The following SLIT3 variants were observed in gnomAD, a reference collection of about 807,000 sequenced individuals.
SLIT3 encodes the protein slit guidance ligand 3.
In SLIT3, 68 loss-of-function variants were observed where a neutral mutation model predicts 184.0. The ratio of observed to expected loss-of-function variants is 0.37; its 90% confidence interval spans 0.30 to 0.45. SLIT3 has a LOEUF of 0.45. SLIT3 is among the 20% of genes least tolerant of loss of function. SLIT3 has a pLI of 1.00. For synonymous variants in SLIT3, 831 were observed against 828.6 expected (o/e 1.00, Z -0.05); for missense variants, 1,707 against 2,026.0 (o/e 0.84, Z 3.02).
intron 4 of SLIT3, among the ~76,000 whole-genome samples, chr5:169,021,698 G>GACACTCAT (rs1401821209): frequency 6.6e-6 from 1 of 152,084 alleles, no homozygotes; most frequent in Non-Finnish European, 1.5e-5. Context: ...CCCCTTCCAA[G>GACACTCAT]ACACTCATAC....
intron 6 of SLIT3, among the ~76,000 whole-genome samples, chr5:168,838,358 A>T (rs1758123320): frequency 6.6e-6 from 1 of 152,094 alleles, no homozygotes; most frequent in South Asian, 2.1e-4. Context: ...TTTAATTGAG[A>T]TGCCTCATTC....
At chr5:168,781,181 GCTAGGAATGGGCTGTAAGCCA>G (rs1413842411) in intron 12 of SLIT3, among the ~76,000 whole-genome samples, 1 of 152,202 alleles carries the variant, frequency 6.6e-6, no homozygotes, top group African/African-American at 2.4e-5. Flanking sequence ...ATAGGAGGGT[GCTAGGAATGGGCTGTAAGCCA>G]CTGGGTTTTC....
intron 20 of SLIT3, among the ~76,000 whole-genome samples, chr5:168,747,542 T>C (rs1754525194): frequency 6.6e-6 from 1 of 152,180 alleles, no homozygotes; most frequent in Admixed American, 6.5e-5. Flanking sequence ...TGGTCCTAGC[T>C]GCAGTGCTCT....
At chr5:168,777,486 T>C (rs1755804639) in intron 12 of SLIT3, among the ~76,000 whole-genome samples, 1 of 152,224 alleles carries the variant, frequency 6.6e-6, no homozygotes, top group African/African-American at 2.4e-5. Context: ...TCATCAGGTC[T>C]ATTGAGGCTC....
chr5:168,675,745 G>C (rs1761387253), intron 32 of SLIT3, among the ~76,000 whole-genome samples: 1 of 152,130 alleles, frequency 6.6e-6, no homozygotes, highest in Non-Finnish European at 1.5e-5. Flanking sequence ...CAATTACTGG[G>C]AAAATGTGAG....
intron 4 of SLIT3, among the ~76,000 whole-genome samples, chr5:168,894,469 G>T (rs1350970678): frequency 6.6e-6 from 1 of 152,164 alleles, no homozygotes; most frequent in East Asian, 1.9e-4. Context: ...AGTCCAGTTT[G>T]TCCCTTTGGA....
intron 12 of SLIT3, among the ~76,000 whole-genome samples, chr5:168,782,489 T>C (rs1253031811): frequency 6.6e-6 from 1 of 152,180 alleles, no homozygotes; most frequent in South Asian, 2.1e-4. Context: ...GCACGAGGGC[T>C]GGCTGCCCAT....
chr5:169,143,042 G>A (rs910991618), intron 4 of SLIT3, among the ~76,000 whole-genome samples: 6 of 152,166 alleles, frequency 3.9e-5, no homozygotes, highest in Non-Finnish European at 5.9e-5. Context: ...AGGAAAGGAG[G>A]GTGGATCCTA....
chr5:168,693,344 G>A (rs1319127780), intron 28 of SLIT3, among the ~76,000 whole-genome samples: 1 of 152,198 alleles, frequency 6.6e-6, no homozygotes, highest in African/African-American at 2.4e-5. Flanking sequence ...GATTTTTCAG[G>A]GAAGGAAGTA....
chr5:168,844,599 C>T lies in SLIT3; in HGVS notation c.542G>A (p.Arg181His), dbSNP rs1758389009. 6.2e-7 allele frequency: 1 copy of T among 1,614,202 alleles called. No homozygotes were observed. The highest frequency in any genetic ancestry group is 2.2e-5 in the East Asian group (1 of 44,882). The change falls in exon 6 of 36, where the codon CGC (arginine) becomes CAC (histidine). Residue 181 changes from arginine (R) to histidine (H), a missense_variant. By Grantham distance (29) the Arg-to-His change is conservative (BLOSUM62 0). Coordinates refer to ENST00000519560, the MANE Select transcript of SLIT3 (RefSeq NM_003062.4). ...ATCAACTCACAGGATCTCCAAATCGCGCAGCGCTCGGAAGGCTCCATCTTC... is the reference window on the plus strand; with the variant it reads ...ATCAACTCACAGGATCTCCAAATCGTGCAGCGCTCGGAAGGCTCCATCTTC... Reference protein sequence around the residue: ...CIEDGAFRALRDLEILTLNNN... With the variant: ...CIEDGAFRALHDLEILTLNNN...
chr5:168,843,948 C>T (rs969936597), intron 6 of SLIT3, among the ~76,000 whole-genome samples: 12 of 152,104 alleles, frequency 7.9e-5, no homozygotes, highest in Non-Finnish European at 1.5e-4. Flanking sequence ...GGGGAAGGGG[C>T]TGTCTCCTCT....
intron 32 of SLIT3, 58 bp downstream of exon 32, chr5:168,683,908 C>T: frequency 7.2e-7 from 1 of 1,382,372 alleles, no homozygotes; most frequent in Non-Finnish European, 9.5e-7. Flanking sequence ...GTTGCAGGCC[C>T]AGAGGCAGAA....
intron 18 of SLIT3, 118 bp downstream of exon 18, chr5:168,752,837 G>A (rs1482098080): frequency 1.4e-5 from 15 of 1,065,192 alleles, no homozygotes; most frequent in Middle Eastern, 2.9e-4. Context: ...AGCCTGACGA[G>A]TTTTTAAGTG....
intron 4 of SLIT3, among the ~76,000 whole-genome samples, chr5:169,178,220 T>G (rs544463062): frequency 6.6e-6 from 1 of 152,350 alleles, no homozygotes; most frequent in East Asian, 1.9e-4. Flanking sequence ...AGATTCTGTC[T>G]TCTGTGATTC....
intron 3 of SLIT3, among the ~76,000 whole-genome samples, chr5:169,234,704 A>C (rs1264409359): frequency 6.6e-6 from 1 of 152,140 alleles, no homozygotes; most frequent in African/African-American, 2.4e-5. Context: ...CACCGCATCC[A>C]GCCTGAAGCT....
chr5:168,956,888 C>T (rs1380520051), intron 4 of SLIT3, among the ~76,000 whole-genome samples: 3 of 151,598 alleles, frequency 2.0e-5, no homozygotes, highest in African/African-American at 7.3e-5. Flanking sequence ...CATCCCAGGT[C>T]TGCATATTCT....
chr5:169,078,844 C>T (rs1195125422), intron 4 of SLIT3, among the ~76,000 whole-genome samples: 1 of 152,190 alleles, frequency 6.6e-6, no homozygotes, highest in African/African-American at 2.4e-5. Flanking sequence ...CAATTCCTGT[C>T]CTCAAGGAGC....
rs370080792 is a variant in SLIT3, at chr5:168,708,051, G to C, written c.2769C>G (p.Ser923Arg). Residue 923 changes from serine to arginine, a missense_variant, in exon 26 of 36, where the codon AGC (serine) becomes AGG (arginine). Physicochemically the swap from Ser to Arg is moderately radical, Grantham distance 110. This residue lies in a region of SLIT3 where 1,307 missense variants were observed against 1,511.6 expected (regional missense o/e 0.86). Transcript: ENST00000519560. The stretch of plus-strand genomic sequence containing the variant: ...TGCATGTCCCGTTATTCTTGCACGG[G>C]CTGGAGAGGCAGGCATTGCATTTGG... ...IVAKCNACLSSPCKNNGTCTQ... is the reference protein window; with the variant it reads ...IVAKCNACLSRPCKNNGTCTQ... 9.9e-6 allele frequency: 16 copies of C among 1,614,066 alleles called. No homozygotes were observed. Among genetic ancestry groups the C allele is most frequent in the Admixed American group, 1.7e-5 (1 of 60,008 alleles).
At chr5:168,671,631 C>T (rs1393501289) in intron 33 of SLIT3, 148 bp from the exon 34 acceptor site, 2 of 818,656 alleles carry the variant, frequency 2.4e-6, no homozygotes, top group South Asian at 1.8e-5. Flanking sequence ...AACCTCGGAC[C>T]TCCTCCATAC....
Sources: allele counts gnomAD v4.1 joint callset (sites outside exome capture counted in the v4.1 genomes callset), GRCh38; gene constraint gnomAD v4.1.1; regional missense constraint gnomAD v4.1.1; transcripts MANE v1.5; gene names NCBI Gene and HGNC (gene_info 2026-07-23, HGNC 2026-07-21).